GC: variants seen among roughly 807,000 people sequenced by gnomAD.
GC encodes the protein vitamin D-binding protein.
Under a neutral mutation model 56.7 loss-of-function variants are expected in GC, and 43 were observed. The ratio of observed to expected loss-of-function variants is 0.76; its 90% CI spans 0.59 to 0.98. The LOEUF (loss-of-function observed/expected upper bound fraction) is 0.98. GC is among the 50% of genes least tolerant of loss of function. The pLI is 0.00. For missense variants in GC, 529 were observed against 545.9 expected (o/e 0.97, Z 0.31); for synonymous variants, 216 against 202.7 (o/e 1.07, Z -0.56).
At chr4:71,805,177 GGGAAACCCAGGCT>G (rs1267681087), upstream of GC, among the ~76,000 whole-genome samples, 1 of 152,090 alleles carries the variant, frequency 6.6e-6, no homozygotes, top group Non-Finnish European at 1.5e-5. Context: ...AATTGAGCCT[GGGAAACCCAGGCT>G]TCACTAGCTT....
intron 1 of GC, among the ~76,000 whole-genome samples, chr4:71,780,938 A>G (rs986204101): frequency 1.1e-4 from 17 of 152,206 alleles, no homozygotes; most frequent in African/African-American, 3.9e-4. Context: ...ATGCACATGT[A>G]TGTTTATTGT....
At chr4:71,776,995 A>C (rs1159177918) in intron 1 of GC, among the ~76,000 whole-genome samples, 1 of 151,918 alleles carries the variant, frequency 6.6e-6, no homozygotes, top group African/African-American at 2.4e-5. Context: ...GAGCCATTTA[A>C]ATGCATTTGA....
chr4:71,753,607 C>T (rs906033706), intron 10 of GC, among the ~76,000 whole-genome samples: 2 of 152,032 alleles, frequency 1.3e-5, no homozygotes, highest in South Asian at 2.1e-4. Context: ...CCACTTCTTA[C>T]CTTATTGTGG....
chr4:71,754,511 GT>G lies in GC; in HGVS notation c.1165-4del. ...AGTTCCTTCTTTAGTAGAGGGCCCT[GT>G]AAGAAAACAATAATTGCATAACAAA... is the stretch of plus-strand genomic sequence containing the variant. On this transcript the variant is annotated splice_polypyrimidine_tract_variant and splice_region_variant and intron_variant, in intron 9 of 12. Coordinates refer to ENST00000273951, the MANE Select transcript of GC (RefSeq NM_000583.4). 6.9e-7 allele frequency: 1 copy of G among 1,443,526 alleles called. No individual in the cohort carries two copies. The highest frequency in any genetic ancestry group is 9.7e-7 in the Non-Finnish European group (1 of 1,029,282). The allele number at this position is 1,443,526 out of a possible 1,614,324, so 89.4% of individuals were successfully genotyped here.
intron 1 of GC, among the ~76,000 whole-genome samples, chr4:71,771,034 G>A (rs546414205): frequency 8.5e-5 from 13 of 152,192 alleles, no homozygotes; most frequent in African/African-American, 2.9e-4. Flanking sequence ...ATAAGCCCAG[G>A]AAATTTCCCT....
intron 1 of GC, among the ~76,000 whole-genome samples, chr4:71,789,221 A>G (rs1742915520): frequency 6.6e-6 from 1 of 151,890 alleles, no homozygotes; most frequent in Non-Finnish European, 1.5e-5. Flanking sequence ...AATATATCCT[A>G]AAACATTCAT....
chr4:71,743,681 C>A (rs3755967), intron 12 of GC, among the ~76,000 whole-genome samples: 12 of 152,062 alleles, frequency 7.9e-5, no homozygotes, highest in Admixed American at 5.9e-4. Context: ...TTCTGGATAT[C>A]AAGTACCTCA....
chr4:71,768,817 A>G (rs187098383), intron 2 of GC, among the ~76,000 whole-genome samples: 44 of 152,346 alleles, frequency 2.9e-4, no homozygotes, highest in Middle Eastern at 3.4e-3. Flanking sequence ...AAACCTGTTC[A>G]ATGTTTAAAT....
In GC at chr4:71,752,585, T is replaced by C. The variant is rs1306707846; in HGVS notation, c.1328A>G (p.Asn443Ser). The change falls in exon 11 of 13, where the codon AAC becomes AGC. Residue 443 changes from asparagine to serine, a missense_variant. Physicochemically the swap from Asn to Ser is conservative, Grantham distance 46 (BLOSUM62 1). Coordinates refer to ENST00000273951, the MANE Select transcript of GC (RefSeq NM_000583.4). ...ATPTELAKLV[N>S]KHSDFASNCC... ...GTTGGAGGCAAAGTCTGAGTGCTTG[T>C]TAACCAGCTTTGCCAGTTCCGTGGG... is the stretch of plus-strand genomic sequence containing the variant. 5 of 1,613,310 alleles carry C rather than the reference T, an allele frequency of 3.1e-6. No homozygotes were observed. The highest frequency in any genetic ancestry group is 3.4e-6 in the Non-Finnish European group (4 of 1,179,264).
intron 1 of GC, among the ~76,000 whole-genome samples, chr4:71,772,793 C>T (rs1307202601): frequency 6.6e-6 from 1 of 152,044 alleles, no homozygotes; most frequent in Non-Finnish European, 1.5e-5. Flanking sequence ...ATAAAAATAA[C>T]CTGTAGAGGA....
At chr4:71,792,976 G>T (rs1099027) in intron 1 of GC, among the ~76,000 whole-genome samples, 152,223 of 152,246 alleles carry the variant, frequency 1, 76,100 homozygotes, top group Non-Finnish European at 1. Flanking sequence ...GTTGTAGATG[G>T]GTGGTGTTAT....
At chr4:71,800,595 C>T (rs1319954904) in intron 1 of GC, among the ~76,000 whole-genome samples, 2 of 151,936 alleles carry the variant, frequency 1.3e-5, no homozygotes, top group African/African-American at 2.4e-5. Flanking sequence ...GGGTATATAC[C>T]CAGTAATGCG....
At chr4:71,744,441 A>C (rs1578276029) in intron 12 of GC, among the ~76,000 whole-genome samples, 1 of 81,578 alleles carries the variant, frequency 1.2e-5, no homozygotes, top group South Asian at 4.9e-4. Flanking sequence ...CCTGGGAGAC[A>C]GAGCGAGACT....
intron 1 of GC, among the ~76,000 whole-genome samples, chr4:71,798,644 A>G (rs1743171405): frequency 6.6e-6 from 1 of 152,180 alleles, no homozygotes. Flanking sequence ...TTTTATAAGG[A>G]CTTGGATTTT....
At chr4:71,769,835 C>A (rs1458162001) in intron 1 of GC, among the ~76,000 whole-genome samples, 1 of 152,106 alleles carries the variant, frequency 6.6e-6, no homozygotes, top group Non-Finnish European at 1.5e-5. Context: ...AAAAACAGAA[C>A]TACAAATAAT....
chr4:71,798,084 A>C (rs573662855), intron 1 of GC, among the ~76,000 whole-genome samples: 1 of 152,198 alleles, frequency 6.6e-6, no homozygotes, highest in Non-Finnish European at 1.5e-5. Flanking sequence ...ATTAATCTCA[A>C]GTTCATTGCT....
rs181823798 is a variant in GC, at chr4:71,794,526, A to G, written c.21+9400T>C. ...TATCCCCTTTATCATATTTTATTGC[A>G]TCTATTTGATTCTTCTCTCTTTTCT... On this transcript the variant is annotated intron_variant, in intron 1 of 13. Transcript: ENST00000504199. Among the ~76,000 whole-genome samples, 494 of 151,714 alleles carry G rather than the reference A, an allele frequency of 3.3e-3. 2 individuals are homozygous for G. The highest frequency in any genetic ancestry group is 5.3e-3 in the Non-Finnish European group (360 of 67,866).
intron 1 of GC, among the ~76,000 whole-genome samples, chr4:71,794,092 A>C (rs370885242): frequency 6.6e-6 from 1 of 152,308 alleles, no homozygotes; most frequent in South Asian, 2.1e-4. Context: ...ATCATTGCTC[A>C]TCAGGGATAT....
At position 71,741,928 on chromosome 4, in the gene GC, C is replaced by T. The variant is rs866729331; in HGVS notation, c.*26-58G>A. On this transcript the variant is annotated intron_variant, in intron 12 of 12. Coordinates refer to ENST00000273951, the MANE Select transcript of GC (RefSeq NM_000583.4). ...AAAAACAGAGCTAATGGGCAACAAC[C>T]ATAATATTGCTCAACAGACGCATAT... 1.1e-4 allele frequency: 78 copies of T among 702,254 alleles called. 2 individuals are homozygous for T. Among genetic ancestry groups the T allele is most frequent in the Middle Eastern group, 6.8e-4 (3 of 4,388 alleles). The allele number at this position is 702,254 out of a possible 1,614,324, so 43.5% of individuals were successfully genotyped here.
Sources: allele counts gnomAD v4.1 joint callset (sites outside exome capture counted in the v4.1 genomes callset), GRCh38; gene constraint gnomAD v4.1.1; transcripts MANE v1.5; gene names NCBI Gene and HGNC (gene_info 2026-07-23, HGNC 2026-07-21).